FILIP1: variants seen among roughly 807,000 people sequenced by gnomAD.
FILIP1 encodes filamin A interacting protein 1.
A neutral mutation model predicts 102.1 loss-of-function variants in FILIP1; 61 were observed. That is an observed-to-expected ratio of 0.60 (90% CI 0.49 to 0.74). The LOEUF (loss-of-function observed/expected upper bound fraction) is 0.74, where lower values mean the gene tolerates loss of function less well. FILIP1 is among the 30% of genes least tolerant of loss of function. The pLI, the probability that FILIP1 is intolerant of heterozygous loss-of-function variation, is 0.00. For missense variants in FILIP1, 1,314 were observed against 1,441.2 expected (o/e 0.91, Z 1.43); for synonymous variants, 491 against 526.9 (o/e 0.93, Z 0.93).
At chr6:75,336,188 G>C (rs930599098) in intron 4 of FILIP1, among the ~76,000 whole-genome samples, 1 of 152,188 alleles carries the variant, frequency 6.6e-6, no homozygotes, top group Non-Finnish European at 1.5e-5. Flanking sequence ...GGCTGCACTA[G>C]TGCTGGGGGA....
At chr6:75,438,275 T>C (rs935498420) in intron 1 of FILIP1, among the ~76,000 whole-genome samples, 1 of 152,254 alleles carries the variant, frequency 6.6e-6, no homozygotes, top group South Asian at 2.1e-4. Flanking sequence ...TGAGCTGTGA[T>C]ATAAATCCAA....
intron 1 of FILIP1, among the ~76,000 whole-genome samples, chr6:75,459,884 T>C (rs1240179561): frequency 6.6e-6 from 1 of 152,246 alleles, no homozygotes; most frequent in African/African-American, 2.4e-5. Flanking sequence ...GTTTCTCAAA[T>C]ATTTACATTA....
At chr6:75,329,071 A>C (rs1773976464) in intron 4 of FILIP1, among the ~76,000 whole-genome samples, 1 of 152,188 alleles carries the variant, frequency 6.6e-6, no homozygotes, top group South Asian at 2.1e-4. Context: ...GATACTTGTT[A>C]ATTTATCTTT....
chr6:75,360,640 A>C (rs1179324082), intron 3 of FILIP1: 1 of 152,210 alleles, frequency 6.6e-6, no homozygotes, highest in African/African-American at 2.4e-5. Context: ...AGAGAGATTT[A>C]ATATTTGCTG....
chr6:75,384,953 C>T (rs1776035773), intron 2 of FILIP1: 1 of 149,824 alleles, frequency 6.7e-6, no homozygotes, highest in Non-Finnish European at 1.5e-5. Flanking sequence ...CACAACCATG[C>T]CCAGCTATTT....
chr6:75,488,468 A>T (rs958323463), intron 1 of FILIP1, among the ~76,000 whole-genome samples: 1 of 151,784 alleles, frequency 6.6e-6, no homozygotes, highest in Non-Finnish European at 1.5e-5. Context: ...ATAATCCAAT[A>T]TACTTTCCTG....
rs545290158 is a variant in FILIP1 at position 75,322,338 on chromosome 6, TAA to T, written c.630-7138_630-7137del. ...TATTTAAGAAGCAGAATAAGAGATTTAAGTTTTGCTTGTGCCAACTAGTCTTA... is the reference window on the plus strand; with the variant it reads ...TATTTAAGAAGCAGAATAAGAGATTTGTTTTGCTTGTGCCAACTAGTCTTA... On this transcript the variant is annotated intron_variant, in intron 4 of 5. Coordinates refer to ENST00000237172, the MANE Select transcript of FILIP1 (RefSeq NM_015687.5). 5.9e-5 allele frequency among the ~76,000 whole-genome samples: 9 copies of T among 152,338 alleles called. No homozygotes were observed. The South Asian group carries it at 1.9e-3, about 32-fold the overall frequency.
intron 1 of FILIP1, among the ~76,000 whole-genome samples, chr6:75,459,909 G>C (rs1325555280): frequency 2.0e-5 from 3 of 152,168 alleles, no homozygotes; most frequent in Admixed American, 6.6e-5. Flanking sequence ...CTTTGAGTGA[G>C]TTAAATAATT....
At chr6:75,372,903 C>T (rs1356036148) in intron 2 of FILIP1, among the ~76,000 whole-genome samples, 1 of 152,022 alleles carries the variant, frequency 6.6e-6, no homozygotes, top group Non-Finnish European at 1.5e-5. Context: ...AATAGTATGT[C>T]AGTTCCTCAA....
intron 4 of FILIP1, among the ~76,000 whole-genome samples, chr6:75,342,558 C>G (rs1774448828): frequency 6.6e-6 from 1 of 152,228 alleles, no homozygotes; most frequent in Non-Finnish European, 1.5e-5. Context: ...ATTCAGACTT[C>G]AGTCAAGTCA....
At chr6:75,295,770 T>TAA in exon 7 of FILIP1, 1 of 472,758 alleles carries the variant, frequency 2.1e-6, no homozygotes, top group Non-Finnish European at 3.4e-6. Flanking sequence ...ATTATATCCT[T>TAA]AAAAAAAAAT....
At chr6:75,340,189 C>T (rs1774375133) in intron 4 of FILIP1, among the ~76,000 whole-genome samples, 1 of 151,912 alleles carries the variant, frequency 6.6e-6, no homozygotes. Flanking sequence ...CATGTTTTTC[C>T]AGCTATGTAT....
intron 1 of FILIP1, among the ~76,000 whole-genome samples, chr6:75,460,925 C>G (rs113374037): frequency 0.017 from 2,632 of 152,266 alleles, 29 homozygotes; most frequent in Non-Finnish European, 0.028. Context: ...CCCAAACAAG[C>G]TGATTTGTAA....
chr6:75,417,386 A>T (rs1777303562), intron 1 of FILIP1, among the ~76,000 whole-genome samples: 1 of 152,228 alleles, frequency 6.6e-6, no homozygotes, highest in East Asian at 1.9e-4. Flanking sequence ...GCAATAACAA[A>T]TGAATCAAGA....
chr6:75,436,796 T>C (rs1174579102), intron 1 of FILIP1, among the ~76,000 whole-genome samples: 1 of 152,094 alleles, frequency 6.6e-6, no homozygotes, highest in Non-Finnish European at 1.5e-5. Flanking sequence ...CAATGGGAAA[T>C]GATGTGCTGG....
chr6:75,401,619 T>C (rs1359930487), intron 2 of FILIP1, among the ~76,000 whole-genome samples: 2 of 152,164 alleles, frequency 1.3e-5, no homozygotes, highest in East Asian at 1.9e-4. Flanking sequence ...GCAAACCACA[T>C]GTGTCTAATG....
chr6:75,413,813 A>G (rs1777160854), intron 2 of FILIP1, among the ~76,000 whole-genome samples: 2 of 150,264 alleles, frequency 1.3e-5, no homozygotes, highest in Admixed American at 1.3e-4. Context: ...TTGTTCCTCT[A>G]CTTCCAGAAA....
intron 1 of FILIP1, among the ~76,000 whole-genome samples, chr6:75,437,761 G>T (rs1451157254): frequency 1.3e-5 from 2 of 152,158 alleles, no homozygotes; most frequent in Non-Finnish European, 2.9e-5. Flanking sequence ...CAAGAACCGA[G>T]AATTAGTCAT....
At chr6:75,397,437 C>T (rs1327684167) in intron 2 of FILIP1, among the ~76,000 whole-genome samples, 1 of 151,124 alleles carries the variant, frequency 6.6e-6, no homozygotes, top group Non-Finnish European at 1.5e-5. Context: ...CAGAACACAA[C>T]TCATCTTACA....
Sources: allele counts gnomAD v4.1 joint callset (sites outside exome capture counted in the v4.1 genomes callset), GRCh38; gene constraint gnomAD v4.1.1; transcripts MANE v1.5; gene names NCBI Gene and HGNC (gene_info 2026-07-23, HGNC 2026-07-21).